The following PCDH7 variants were observed in gnomAD, a reference collection of about 807,000 sequenced individuals.
PCDH7 encodes the protein protocadherin 7.
Under a neutral mutation model 58.9 loss-of-function variants are expected in PCDH7, and 17 were observed. The ratio of observed to expected loss-of-function variants is 0.29; its 90% confidence interval spans 0.20 to 0.43. The LOEUF (loss-of-function observed/expected upper bound fraction) is 0.43, where lower values mean the gene tolerates loss of function less well. Among genes scored for constraint, PCDH7 ranks in the 20% least tolerant of loss-of-function variants. The probability of loss-of-function intolerance (pLI) is 1.00; values close to 1 mark genes in which losing one functional copy is unlikely to be tolerated. For missense variants in PCDH7, 1,274 were observed against 1,441.0 expected, an observed-to-expected ratio of 0.88 and a Z score of 1.88; for synonymous variants, 664 against 616.4, an observed-to-expected ratio of 1.08 and a Z score of -1.14.
rs1041608935 is a variant in PCDH7, at chr4:30,986,873, C to T, written c.*7+36658C>T. 2.0e-5 allele frequency among the ~76,000 whole-genome samples: 3 copies of T among 151,600 alleles called. No homozygotes were observed. In the South Asian group the frequency reaches 6.3e-4, roughly 32 times the overall value. ...GTGGGCGCCTGTAGTCCCAGCTACT[C>T]AGGAGGCTGAGGCAGAAGAATCACT... On this transcript the variant is annotated intron_variant, in intron 3 of 3. Coordinates refer to the PCDH7 transcript ENST00000509759.
intron 3 of PCDH7, among the ~76,000 whole-genome samples, chr4:31,009,285 T>C (rs528321661): frequency 3.9e-5 from 6 of 152,194 alleles, no homozygotes; most frequent in African/African-American, 1.4e-4. Context: ...CTTCCACTTT[T>C]TGGCATTGGA....
intron 3 of PCDH7, among the ~76,000 whole-genome samples, chr4:31,027,339 T>G (rs1462537498): frequency 6.6e-6 from 1 of 152,228 alleles, no homozygotes; most frequent in African/African-American, 2.4e-5. Flanking sequence ...TTCACTATTC[T>G]TTATAATATT....
intron 1 of PCDH7, among the ~76,000 whole-genome samples, chr4:30,759,578 CAG>C (rs1310143990): frequency 6.6e-6 from 1 of 151,948 alleles, no homozygotes. Context: ...TATTGGATGT[CAG>C]GGGTTTATCT....
intron 1 of PCDH7, among the ~76,000 whole-genome samples, chr4:30,739,982 A>G (rs1426040369): frequency 6.6e-6 from 1 of 152,226 alleles, no homozygotes; most frequent in Admixed American, 6.5e-5. Flanking sequence ...ACTGGTCAAC[A>G]TATTTCACAT....
chr4:30,744,187 T>C (rs369289034), intron 1 of PCDH7, among the ~76,000 whole-genome samples: 1 of 152,116 alleles, frequency 6.6e-6, no homozygotes. Flanking sequence ...AGCCAAGTGG[T>C]AGGATTTTAA....
At chr4:31,126,943 C>A (rs1348578815) in intron 3 of PCDH7, among the ~76,000 whole-genome samples, 1 of 152,222 alleles carries the variant, frequency 6.6e-6, no homozygotes, top group African/African-American at 2.4e-5. Flanking sequence ...TGCAGCCAGT[C>A]TTCTTTGCCT....
intron 1 of PCDH7, among the ~76,000 whole-genome samples, chr4:30,761,609 T>C (rs146010761): frequency 2.7e-3 from 410 of 152,302 alleles, no homozygotes; most frequent in Non-Finnish European, 4.3e-3. Flanking sequence ...TTGTTGTAAG[T>C]ACTCAATAAT....
intron 1 of PCDH7, among the ~76,000 whole-genome samples, chr4:30,896,727 A>G (rs1051866693): frequency 6.6e-6 from 1 of 151,862 alleles, no homozygotes; most frequent in Non-Finnish European, 1.5e-5. Flanking sequence ...TCTTGTACTA[A>G]TAATTGTGTC....
intron 3 of PCDH7, among the ~76,000 whole-genome samples, chr4:31,044,482 A>G (rs1238964116): frequency 7.9e-5 from 12 of 152,052 alleles, no homozygotes; most frequent in Admixed American, 7.9e-4. Flanking sequence ...TGCATTCAAC[A>G]GACACAGAAT....
At chr4:31,135,250 C>T (rs923656963) in intron 3 of PCDH7, among the ~76,000 whole-genome samples, 7 of 152,154 alleles carry the variant, frequency 4.6e-5, no homozygotes, top group South Asian at 2.1e-4. Context: ...CAAGATAGCA[C>T]GCTGGCAACC....
In PCDH7 at chr4:31,128,508, A is replaced by G. The variant is rs190573518; in HGVS notation, c.*8-13965A>G. 1.0e-3 allele frequency among the ~76,000 whole-genome samples: 152 copies of G among 152,288 alleles called. 1 individual carries two copies. Among genetic ancestry groups the G allele is most frequent in the Middle Eastern group, 6.8e-3 (2 of 294 alleles). On this transcript the variant is annotated intron_variant, in intron 3 of 3. Transcript: ENST00000509759. ...ATCTGTGTTTTGAAAATTTTCATCT[A>G]TGGAATGAGCTGTGCATGAGACAAT...
At chr4:30,735,692 T>G (rs1716152513), downstream of PCDH7, among the ~76,000 whole-genome samples, 1 of 152,128 alleles carries the variant, frequency 6.6e-6, no homozygotes, top group African/African-American at 2.4e-5. Context: ...CTGAGACTTG[T>G]GTTAACGTAT....
intron 1 of PCDH7, among the ~76,000 whole-genome samples, chr4:30,865,937 C>T (rs758013695): frequency 3.9e-5 from 6 of 151,952 alleles, no homozygotes; most frequent in African/African-American, 7.2e-5. Context: ...TCCTCTTGTT[C>T]GAATTTAGGG....
chr4:30,859,718 A>G (rs1368490432), intron 1 of PCDH7, among the ~76,000 whole-genome samples: 1 of 152,020 alleles, frequency 6.6e-6, no homozygotes, highest in Non-Finnish European at 1.5e-5. Flanking sequence ...GGGATTACAG[A>G]CGTGAGCCAC....
chr4:30,843,244 C>T lies in PCDH7; in HGVS notation c.71-76909C>T, dbSNP rs184832962. On this transcript the variant is annotated intron_variant, in intron 1 of 3. Transcript: ENST00000509759. The stretch of plus-strand genomic sequence containing the variant: ...ACAGGCAGAGTCTCACTCTGTTGCC[C>T]AGGGTGGAGTGCAGTGGTGCAATCT... Among the ~76,000 whole-genome samples, 73 of 152,040 alleles carry T rather than the reference C, an allele frequency of 4.8e-4. 1 individual carries two copies. The Middle Eastern group carries it at 0.024, about 50-fold the overall frequency.
At position 31,074,017 on chromosome 4, in the gene PCDH7, T is replaced by G. The variant is rs537282385; in HGVS notation, c.*8-68456T>G. The stretch of plus-strand genomic sequence containing the variant: ...AGCAAGATCAACACCCCAGGACTTT[T>G]GCACTTCCTCTTCCTACTATCCATG... On this transcript the variant is annotated intron_variant, in intron 3 of 3. Transcript: ENST00000509759. Among the ~76,000 whole-genome samples, 72 of 152,082 alleles carry G rather than the reference T, an allele frequency of 4.7e-4. 1 individual carries two copies. Among genetic ancestry groups the G allele is most frequent in the African/African-American group, 1.7e-3 (72 of 41,488 alleles).
At chr4:30,941,938 T>A (rs1385026373) in intron 2 of PCDH7, among the ~76,000 whole-genome samples, 1 of 151,934 alleles carries the variant, frequency 6.6e-6, no homozygotes, top group Non-Finnish European at 1.5e-5. Context: ...GATATGTAAT[T>A]TTTAAAACAA....
At chr4:30,823,170 T>C (rs1275459347) in intron 1 of PCDH7, among the ~76,000 whole-genome samples, 1 of 152,186 alleles carries the variant, frequency 6.6e-6, no homozygotes, top group Non-Finnish European at 1.5e-5. Flanking sequence ...GTTGATAACA[T>C]GGTTGGCTTA....
intron 3 of PCDH7, among the ~76,000 whole-genome samples, chr4:31,074,526 C>T (rs1267785257): frequency 2.0e-5 from 3 of 151,904 alleles, no homozygotes; most frequent in Admixed American, 6.6e-5. Flanking sequence ...CACAGTGGCT[C>T]ACTCCCAGCA....
Sources: gnomAD v4.1 joint callset for allele counts (sites outside exome capture counted in the v4.1 genomes callset) on GRCh38, gnomAD v4.1.1 for gene constraint, MANE v1.5 for transcripts, NCBI Gene and HGNC (gene_info 2026-07-23, HGNC 2026-07-21) for gene names.